METTL15: variants seen among roughly 807,000 people sequenced by gnomAD.
The protein encoded by METTL15 is methyltransferase 15, mitochondrial 12S rRNA N4-cytidine, also known as 12S rRNA N(4)-cytidine methyltransferase METTL15.
METTL15 carries 34 observed loss-of-function variants against 38.3 expected under a neutral mutation model. The ratio of observed to expected loss-of-function variants is 0.89; its 90% CI spans 0.68 to 1.18. The LOEUF is 1.18. Ranked by LOEUF, METTL15 falls within the 50% of genes most tolerant of loss-of-function variation. The pLI, the probability that METTL15 is intolerant of heterozygous loss-of-function variation, is 0.00. For synonymous variants in METTL15, 162 were observed against 170.9 expected (o/e 0.95, Z 0.41); for missense variants, 438 against 498.4 (o/e 0.88, Z 1.15).
chr11:28,286,303 A>C (rs1486676352), intron 4 of METTL15, among the ~76,000 whole-genome samples: 1 of 152,184 alleles, frequency 6.6e-6, no homozygotes, highest in African/African-American at 2.4e-5. Context: ...TGTAGATATT[A>C]CACATATTTA....
chr11:28,254,398 G>A (rs567601614), intron 4 of METTL15, among the ~76,000 whole-genome samples: 1 of 152,186 alleles, frequency 6.6e-6, no homozygotes, highest in South Asian at 2.1e-4. Flanking sequence ...TTGTCAGGTG[G>A]GTAGTTCATA....
intron 3 of METTL15, among the ~76,000 whole-genome samples, chr11:28,202,281 A>G (rs1410545743): frequency 1.3e-5 from 2 of 152,082 alleles, no homozygotes; most frequent in Non-Finnish European, 2.9e-5. Flanking sequence ...TTTGGAGTAT[A>G]TGGGAGAGTG....
intron 6 of METTL15, among the ~76,000 whole-genome samples, chr11:28,435,012 A>T (rs986189724): frequency 6.6e-6 from 1 of 152,218 alleles, no homozygotes; most frequent in Non-Finnish European, 1.5e-5. Context: ...TTAAGCCTAG[A>T]GTTAGAGTGT....
intron 5 of METTL15, among the ~76,000 whole-genome samples, chr11:28,379,801 C>T (rs972685471): frequency 3.9e-5 from 6 of 152,182 alleles, no homozygotes; most frequent in African/African-American, 1.2e-4. Flanking sequence ...CCTTACTGAG[C>T]GTGGATTGTT....
At chr11:28,424,228 C>G (rs1408437410) in intron 5 of METTL15, 1 of 152,148 alleles carries the variant, frequency 6.6e-6, no homozygotes, top group Non-Finnish European at 1.5e-5. Context: ...CTTCATCTTA[C>G]AGAAAACTAA....
At chr11:28,188,618 A>C (rs1851591815) in intron 3 of METTL15, among the ~76,000 whole-genome samples, 1 of 151,276 alleles carries the variant, frequency 6.6e-6, no homozygotes, top group African/African-American at 2.4e-5. Flanking sequence ...AAATTGATAT[A>C]TATCGTATCA....
chr11:28,451,591 A>G (rs1056150137), intron 6 of METTL15, among the ~76,000 whole-genome samples: 10 of 152,180 alleles, frequency 6.6e-5, no homozygotes, highest in African/African-American at 2.4e-4. Context: ...TCTCAAAAAA[A>G]AAAGAAAAAG....
At chr11:28,240,916 A>G (rs909132731) in intron 4 of METTL15, among the ~76,000 whole-genome samples, 1 of 152,274 alleles carries the variant, frequency 6.6e-6, no homozygotes, top group African/African-American at 2.4e-5. Flanking sequence ...TAAAAAGCCA[A>G]GTGACTTATT....
intron 3 of METTL15, among the ~76,000 whole-genome samples, chr11:28,195,015 T>C (rs1477100947): frequency 1.3e-5 from 2 of 152,100 alleles, no homozygotes; most frequent in East Asian, 3.9e-4. Flanking sequence ...TCCAAGTTGC[T>C]GCAAAAGACA....
At chr11:28,430,787 G>A (rs1210819188) in intron 6 of METTL15, among the ~76,000 whole-genome samples, 11 of 98,464 alleles carry the variant, frequency 1.1e-4, no homozygotes, top group East Asian at 6.5e-4. Context: ...GCCTCTGCCC[G>A]GCCGCCCCTA....
intron 5 of METTL15, among the ~76,000 whole-genome samples, chr11:28,365,421 A>T (rs377402500): frequency 6.6e-6 from 1 of 152,178 alleles, no homozygotes; most frequent in Non-Finnish European, 1.5e-5. Context: ...GTTTCTAAGA[A>T]TGTATGCATG....
chr11:28,137,948 A>C (rs1849569371), intron 3 of METTL15, among the ~76,000 whole-genome samples: 2 of 152,186 alleles, frequency 1.3e-5, no homozygotes, highest in Admixed American at 6.5e-5. Context: ...TTCATTTTCT[A>C]ATCTCCTAGT....
chr11:28,279,930 A>G (rs1165848240), intron 4 of METTL15, among the ~76,000 whole-genome samples: 1 of 151,872 alleles, frequency 6.6e-6, no homozygotes, highest in African/African-American at 2.4e-5. Flanking sequence ...AAAAAAAAAA[A>G]AGGAAGGCTA....
At chr11:28,496,170 C>G (rs1197036343) in intron 6 of METTL15, among the ~76,000 whole-genome samples, 1 of 152,198 alleles carries the variant, frequency 6.6e-6, no homozygotes, top group Non-Finnish European at 1.5e-5. Context: ...TTAATGGACT[C>G]ACAGTTCCAC....
chr11:28,431,909 AAC>A (rs769679645), intron 6 of METTL15, among the ~76,000 whole-genome samples: 12 of 152,222 alleles, frequency 7.9e-5, no homozygotes, highest in Non-Finnish European at 1.5e-4. Context: ...GAGGCAGACT[AAC>A]AGCTAATTGG....
intron 5 of METTL15, among the ~76,000 whole-genome samples, chr11:28,396,242 A>C (rs972982599): frequency 3.3e-5 from 5 of 152,210 alleles, no homozygotes; most frequent in African/African-American, 4.8e-5. Flanking sequence ...AGTTCTGACC[A>C]GGGCAATCAG....
intron 5 of METTL15, among the ~76,000 whole-genome samples, chr11:28,400,976 C>T (rs752953238): frequency 1.3e-4 from 20 of 152,056 alleles, no homozygotes; most frequent in Non-Finnish European, 2.6e-4. Flanking sequence ...TACAAAAATT[C>T]GTGCGTGTGA....
intron 4 of METTL15, among the ~76,000 whole-genome samples, chr11:28,264,511 C>G (rs1855333884): frequency 6.6e-6 from 1 of 151,994 alleles, no homozygotes; most frequent in African/African-American, 2.4e-5. Flanking sequence ...TTCCCAGATT[C>G]TATAGTTACA....
chr11:28,443,531 C>T lies in METTL15; in HGVS notation c.*424+19167C>T, dbSNP rs990864190. ...TGAACTTGAGTACTATATCCAATAG[C>T]TTCCTCACATTCTCACATGAATGTC... On this transcript the variant is annotated intron_variant and NMD_transcript_variant, in intron 6 of 7. Transcript: ENST00000532947. Among the ~76,000 whole-genome samples the T allele has an allele frequency of 3.3e-5, 5 of 152,122 alleles. No homozygotes were observed. The East Asian group carries it at 9.6e-4, about 29-fold the overall frequency.
Sources: allele counts gnomAD v4.1 joint callset (sites outside exome capture counted in the v4.1 genomes callset), GRCh38; gene constraint gnomAD v4.1.1; transcripts MANE v1.5; gene names NCBI Gene and HGNC (gene_info 2026-07-23, HGNC 2026-07-21).